Variants in KIF13A observed in about 807,000 individuals in gnomAD.
KIF13A encodes kinesin-like protein KIF13A.
A neutral mutation model predicts 212.2 loss-of-function variants in KIF13A; 79 were observed. The ratio of observed to expected loss-of-function variants is 0.37; its 90% CI spans 0.31 to 0.45. The LOEUF (loss-of-function observed/expected upper bound fraction) is 0.45, where lower values mean the gene tolerates loss of function less well. Among genes scored for constraint, KIF13A ranks in the 20% least tolerant of loss-of-function variants. The probability of loss-of-function intolerance (pLI) is 1.00; values close to 1 mark genes in which losing one functional copy is unlikely to be tolerated. For missense variants in KIF13A, 1,901 were observed against 2,209.0 expected, an observed-to-expected ratio of 0.86 and a Z score of 2.79; for synonymous variants, 789 against 808.6, an observed-to-expected ratio of 0.98 and a Z score of 0.41.
At chr6:17,976,182 G>A (rs905909211) in intron 2 of KIF13A, among the ~76,000 whole-genome samples, 2 of 152,220 alleles carry the variant, frequency 1.3e-5, no homozygotes, top group African/African-American at 2.4e-5. Context: ...CCACTCTCAC[G>A]CCGGCACTCC....
At chr6:17,964,142 C>A (rs529410454) in intron 2 of KIF13A, among the ~76,000 whole-genome samples, 13 of 152,262 alleles carry the variant, frequency 8.5e-5, no homozygotes, top group Middle Eastern at 3.4e-3. Context: ...CACACACACC[C>A]ACACCTCTCA....
chr6:17,958,947 C>T (rs1778589404), intron 2 of KIF13A, among the ~76,000 whole-genome samples: 1 of 132,522 alleles, frequency 7.5e-6, no homozygotes. Flanking sequence ...GTAGTGCAAT[C>T]ATAGCTCACT....
At chr6:17,797,987 G>A (rs1439361962) in intron 22 of KIF13A, among the ~76,000 whole-genome samples, 1 of 152,178 alleles carries the variant, frequency 6.6e-6, no homozygotes, top group Non-Finnish European at 1.5e-5. Flanking sequence ...GAAAAACGAA[G>A]TAGGCAACGA....
chr6:17,778,289 A>T (rs1760177109), intron 33 of KIF13A, among the ~76,000 whole-genome samples: 1 of 152,230 alleles, frequency 6.6e-6, no homozygotes, highest in South Asian at 2.1e-4. Context: ...ATGAAGTGTG[A>T]TGCTGTTTGT....
In KIF13A at chr6:17,850,556, T is replaced by C. The variant is rs1767540528; in HGVS notation, c.583-99A>G. ...TTAATTATGATTCCTCTGATGCCTT[T>C]GTCACCACCCTTCCATAGAAACCTC... On this transcript the variant is annotated intron_variant, in intron 7 of 38. Coordinates refer to ENST00000259711, the MANE Select transcript of KIF13A (RefSeq NM_022113.6). This position sits in a 1 kb window ranked among gnomAD's most constrained non-coding sequence, Gnocchi z 6.2. 4 of 1,222,066 alleles carry C rather than the reference T, an allele frequency of 3.3e-6. No individual in the cohort carries two copies. The highest frequency in any genetic ancestry group is 1.5e-5 in the African/African-American group (1 of 65,844). The allele number at this position is 1,222,066 out of a possible 1,614,324, so 75.7% of individuals were successfully genotyped here.
At chr6:17,800,154 C>T in intron 20 of KIF13A, 41 bp from the exon 21 acceptor site, 4 of 1,591,058 alleles carry the variant, frequency 2.5e-6, no homozygotes, top group Non-Finnish European at 3.4e-6. Flanking sequence ...GAACAGACAT[C>T]CTGTGGGCAA....
chr6:17,808,753 G>A lies in KIF13A; in HGVS notation c.2163+15C>T. The stretch of plus-strand genomic sequence containing the variant: ...TATTGTGCATCTTGCCCTCTCACTT[G>A]AAGGACATTCTTACCTTCCTATTGG... On this transcript the variant is annotated intron_variant, in intron 18 of 38. Coordinates refer to ENST00000259711, the MANE Select transcript of KIF13A (RefSeq NM_022113.6). 6.2e-7 allele frequency: 1 copy of A among 1,605,920 alleles called. No homozygotes were observed.
In KIF13A at chr6:17,826,283, A is replaced by T. The variant is rs1764955184; in HGVS notation, c.1533-159T>A. ...GAATGTGTAACCACTATGAAAACAC[A>T]CAATCTAAGCCATGAGGACCAAGGG... On this transcript the variant is annotated intron_variant, in intron 14 of 38. Coordinates refer to ENST00000259711, the MANE Select transcript of KIF13A (RefSeq NM_022113.6). This position sits in a 1 kb window ranked among gnomAD's most constrained non-coding sequence, Gnocchi z 4.7. 6.6e-6 allele frequency among the ~76,000 whole-genome samples: 1 copy of T among 152,354 alleles called. No homozygotes were observed. Among genetic ancestry groups the T allele is most frequent in the Non-Finnish European group, 1.5e-5 (1 of 68,042 alleles).
At chr6:17,910,760 G>C (rs1345033645) in intron 2 of KIF13A, among the ~76,000 whole-genome samples, 2 of 151,916 alleles carry the variant, frequency 1.3e-5, no homozygotes, top group East Asian at 1.9e-4. Flanking sequence ...GGTTTTTTTT[G>C]GTTGTCGTTG....
In KIF13A at chr6:17,804,327, C is replaced by G. The variant is rs1321881330; in HGVS notation, c.2454+34G>C. 7 of 1,461,882 alleles carry G rather than the reference C, an allele frequency of 4.8e-6. No individual in the cohort carries two copies. The African/African-American group carries it at 1.0e-4, about 21-fold the overall frequency. The allele number at this position is 1,461,882 out of a possible 1,614,324, so 90.6% of individuals were successfully genotyped here. A position where few individuals can be genotyped will look rare whatever the true frequency, so the allele number is the denominator to read the frequency against. On this transcript the variant is annotated intron_variant, in intron 20 of 38. Transcript: ENST00000259711. ...AATAAAACAAAACAAAAAACTTGAA[C>G]CACCATCGTTCTCCAAGGCTGGCCT...
Position 17,772,153 on chromosome 6 carries a change from G to A in KIF13A, c.4325-94C>T, listed in dbSNP as rs1581864634. 2 of 1,184,554 alleles carry A rather than the reference G, an allele frequency of 1.7e-6. No individual in the cohort carries two copies. The highest frequency in any genetic ancestry group is 2.4e-6 in the Non-Finnish European group (2 of 825,810). 73.4% of individuals were successfully genotyped at this position (1,184,554 alleles called of 1,614,324 possible). A position where few individuals can be genotyped will look rare whatever the true frequency, so the allele number is the denominator to read the frequency against. ...AATGACCCAGCCATGGGAATATCTG[G>A]GAGAACAATGAAATTCATAGGCTAA... On this transcript the variant is annotated intron_variant, in intron 36 of 38. Coordinates refer to ENST00000259711, the MANE Select transcript of KIF13A (RefSeq NM_022113.6). The surrounding 1 kb of genome is among the most constrained non-coding windows in gnomAD (Gnocchi z 4.8).
intron 6 of KIF13A, among the ~76,000 whole-genome samples, chr6:17,852,581 CTAGTTTT>C (rs942818507): frequency 6.6e-6 from 1 of 152,170 alleles, no homozygotes; most frequent in African/African-American, 2.4e-5. Context: ...CTATGCCTGG[CTAGTTTT>C]TATATTTTTT....
chr6:17,942,332 ACAAATAT>A lies in KIF13A; in HGVS notation c.147-44159_147-44153del, dbSNP rs1351786478. On this transcript the variant is annotated intron_variant, in intron 2 of 38. Transcript: ENST00000259711. ...ACAAAACACAACAAGAACAACAACA[ACAAATAT>A]ATATATATATATATATATATTTCTG... Among the ~76,000 whole-genome samples, 7 of 107,654 alleles carry A rather than the reference ACAAATAT, an allele frequency of 6.5e-5. No individual in the cohort carries two copies. The East Asian group carries it at 1.5e-3, about 23-fold the overall frequency. 70.6% of individuals were successfully genotyped at this position (107,654 alleles called of 152,430 possible). A position where few individuals can be genotyped will look rare whatever the true frequency, so the allele number is the denominator to read the frequency against.
Position 17,855,399 on chromosome 6 carries a change from C to A in KIF13A, c.494+38G>T, listed in dbSNP as rs1365242800. 7.0e-7 allele frequency: 1 copy of A among 1,433,916 alleles called. No homozygotes were observed. 88.8% of individuals were successfully genotyped at this position (1,433,916 alleles called of 1,614,324 possible). A position where few individuals can be genotyped will look rare whatever the true frequency, so the allele number is the denominator to read the frequency against. ...ACTTTAGAATCATTTAAAATTATCT[C>A]CCCCTATTAACACACTTAATCTTGA... On this transcript the variant is annotated intron_variant, in intron 6 of 38. Transcript: ENST00000259711. This position sits in a 1 kb window ranked among gnomAD's most constrained non-coding sequence, Gnocchi z 4.1.
intron 32 of KIF13A, 57 bp from the exon 33 acceptor site, chr6:17,779,156 AGT>A: frequency 3.3e-6 from 5 of 1,493,130 alleles, no homozygotes; most frequent in Non-Finnish European, 4.6e-6. Flanking sequence ...TTTCATCCAA[AGT>A]GTGGTGAGAA....
chr6:17,909,645 G>A (rs544486051), intron 2 of KIF13A, among the ~76,000 whole-genome samples: 3 of 151,422 alleles, frequency 2.0e-5, no homozygotes, highest in East Asian at 3.9e-4. Flanking sequence ...CTGTAATCCC[G>A]GCACGTTGGG....
At chr6:17,821,873 A>G in intron 16 of KIF13A, 3 of 1,535,336 alleles carry the variant, frequency 2.0e-6, no homozygotes, top group Non-Finnish European at 2.6e-6. Context: ...GGGGATGACC[A>G]CCAGGCAGAC....
intron 2 of KIF13A, among the ~76,000 whole-genome samples, chr6:17,925,009 T>C (rs6459579): frequency 0.53 from 80,517 of 152,000 alleles, 22,712 homozygotes; most frequent in Non-Finnish European, 0.64. Context: ...TATCTTTATA[T>C]ACAAGCTTCA....
Position 17,809,992 on chromosome 6 carries a change from C to T in KIF13A, c.2001-1062G>A, listed in dbSNP as rs935129174. Among the ~76,000 whole-genome samples the T allele has an allele frequency of 8.6e-5, 13 of 151,848 alleles. No individual in the cohort carries two copies. The highest frequency in any genetic ancestry group is 2.7e-4 in the African/African-American group (11 of 41,314). ...CTATAATCCCAACACTTTGGGAAGC[C>T]GAGGTGGGAGGATCACTTGAGGCCA... On this transcript the variant is annotated intron_variant, in intron 17 of 38. Coordinates refer to ENST00000259711, the MANE Select transcript of KIF13A (RefSeq NM_022113.6). The surrounding 1 kb of genome is among the most constrained non-coding windows in gnomAD (Gnocchi z 4.7).
Sources: gnomAD v4.1 joint callset for allele counts (sites outside exome capture counted in the v4.1 genomes callset) on GRCh38, gnomAD v4.1.1 for gene constraint, Gnocchi (gnomAD v3.1) non-coding constraint, MANE v1.5 for transcripts, NCBI Gene and HGNC (gene_info 2026-07-23, HGNC 2026-07-21) for gene names.